NSUN7: variants seen among roughly 807,000 people sequenced by gnomAD.
NSUN7 encodes NOP2/Sun RNA methyltransferase family member 7, also known as protein NSUN7.
NSUN7 carries 39 observed loss-of-function variants against 58.5 expected under a neutral mutation model. That is an observed-to-expected ratio of 0.67 (90% confidence interval 0.52 to 0.87). The LOEUF is 0.87. Ranked by LOEUF, NSUN7 falls within the 40% of genes least tolerant of loss-of-function variation. The pLI, the probability that NSUN7 is intolerant of heterozygous loss-of-function variation, is 0.00. For synonymous variants in NSUN7, 278 were observed against 303.7 expected (o/e 0.92, Z 0.88); for missense variants, 765 against 844.1 (o/e 0.91, Z 1.16).
chr4:40,792,250 G>A (rs1743102641), intron 8 of NSUN7, among the ~76,000 whole-genome samples: 1 of 152,142 alleles, frequency 6.6e-6, no homozygotes, highest in East Asian at 1.9e-4. Context: ...CTAGAGCTCA[G>A]AACTGTGAGA....
At chr4:40,784,557 A>G (rs1742721167) in intron 7 of NSUN7, among the ~76,000 whole-genome samples, 1 of 152,240 alleles carries the variant, frequency 6.6e-6, no homozygotes, top group South Asian at 2.1e-4. Context: ...GAAGAGGACA[A>G]TATCCCAAAT....
intron 7 of NSUN7, among the ~76,000 whole-genome samples, chr4:40,789,105 A>T (rs1742965330): frequency 6.6e-6 from 1 of 152,224 alleles, no homozygotes; most frequent in Non-Finnish European, 1.5e-5. Flanking sequence ...GAAGAATATG[A>T]TGCCATCTGT....
Position 40,750,766 on chromosome 4 carries a change from C to T in NSUN7, c.73C>T (p.Leu25=), listed in dbSNP as rs1740782159. The change falls in exon 2 of 12, where the codon CTG becomes TTG. Residue 25 remains leucine, a synonymous_variant. Coordinates refer to ENST00000381782, the MANE Select transcript of NSUN7 (RefSeq NM_024677.6). ...DPEIISQLTS[L]PLSGGKSSAG... ...CGAGATCATCTCCCAACTCACTTCCCTGCCTCTGTCCGGTGGGAAAAGCTC... is the reference window on the plus strand; with the variant it reads ...CGAGATCATCTCCCAACTCACTTCCTTGCCTCTGTCCGGTGGGAAAAGCTC... The T allele has an allele frequency of 6.2e-7, 1 of 1,614,084 alleles. No homozygotes were observed. Among genetic ancestry groups the T allele is most frequent in the African/African-American group, 1.3e-5 (1 of 74,928 alleles).
Position 40,794,464 on chromosome 4 carries a change from C to A in NSUN7, c.1270C>A (p.His424Asn), listed in dbSNP as rs1743231010. Residue 424 changes from histidine (H) to asparagine (N), a missense_variant, in exon 9 of 12, where the codon CAT becomes AAT. Physicochemically the swap from His to Asn is moderately conservative, Grantham distance 68. Coordinates refer to ENST00000381782, the MANE Select transcript of NSUN7 (RefSeq NM_024677.6). Reference sequence around the variant, plus strand: ...TCAACAGCAGTATGAACAGCTAACACATGCAATGAAATGTAAGGTTGTCAT... The same window carrying A: ...TCAACAGCAGTATGAACAGCTAACAAATGCAATGAAATGTAAGGTTGTCAT... ...LAQQQYEQLTHAMKFTKAQAV... is the reference protein window; with the variant it reads ...LAQQQYEQLTNAMKFTKAQAV... 1.2e-6 allele frequency: 2 copies of A among 1,603,348 alleles called. No individual in the cohort carries two copies. Among genetic ancestry groups the A allele is most frequent in the Non-Finnish European group, 1.7e-6 (2 of 1,171,074 alleles).
At chr4:40,802,420 A>ACTT (rs1423817402) in intron 10 of NSUN7, among the ~76,000 whole-genome samples, 1 of 152,094 alleles carries the variant, frequency 6.6e-6, no homozygotes, top group Non-Finnish European at 1.5e-5. Flanking sequence ...ACATCTTGCC[A>ACTT]CTTCTAGTCC....
At chr4:40,798,377 C>T (rs893066177) in intron 9 of NSUN7, among the ~76,000 whole-genome samples, 1 of 152,130 alleles carries the variant, frequency 6.6e-6, no homozygotes, top group Non-Finnish European at 1.5e-5. Flanking sequence ...AGTAATTTGC[C>T]CAGGTTCATA....
rs1455616501 is a variant in NSUN7, at chr4:40,775,537, C to T, written c.826-512C>T. On this transcript the variant is annotated intron_variant, in intron 6 of 11. Transcript: ENST00000381782. This position sits in a 1 kb window ranked among gnomAD's most constrained non-coding sequence, Gnocchi z 4.3. The stretch of plus-strand genomic sequence containing the variant: ...TATACCTTGATCTTCTAAGGTTTAT[C>T]CCTTTTCCACATTCATATTCTTGGG... 3 of 152,784 alleles carry T rather than the reference C, an allele frequency of 2.0e-5. No homozygotes were observed. Among genetic ancestry groups the T allele is most frequent in the Non-Finnish European group, 4.4e-5 (3 of 68,500 alleles). The allele number at this position is 152,784 out of a possible 1,614,324, so 9.5% of individuals were successfully genotyped here. A position where few individuals can be genotyped will look rare whatever the true frequency, so the allele number is the denominator to read the frequency against.
At position 40,794,543 on chromosome 4, in the gene NSUN7, G is replaced by A. The variant is rs1049815604; in HGVS notation, c.1282+67G>A. The stretch of plus-strand genomic sequence containing the variant: ...CATTTTAGAAATATTAGTCTTTCAC[G>A]ATCTATTATAATCAAGCAATGAAGT... On this transcript the variant is annotated intron_variant, in intron 9 of 11. Coordinates refer to ENST00000381782, the MANE Select transcript of NSUN7 (RefSeq NM_024677.6). The A allele has an allele frequency of 1.4e-5, 13 of 951,868 alleles. No homozygotes were observed. In the African/African-American group the frequency reaches 1.5e-4, roughly 11 times the overall value. 59.0% of individuals were successfully genotyped at this position (951,868 alleles called of 1,614,324 possible). A position where few individuals can be genotyped will look rare whatever the true frequency, so the allele number is the denominator to read the frequency against.
chr4:40,771,007 C>T (rs1397208441), intron 4 of NSUN7, among the ~76,000 whole-genome samples: 2 of 152,150 alleles, frequency 1.3e-5, no homozygotes, highest in African/African-American at 4.8e-5. Context: ...GCCGAGATTG[C>T]ACCACTGCAC....
intron 8 of NSUN7, among the ~76,000 whole-genome samples, chr4:40,791,237 G>A (rs1743061622): frequency 6.6e-6 from 1 of 152,306 alleles, no homozygotes; most frequent in Middle Eastern, 3.4e-3. Flanking sequence ...TCGCTAGGAT[G>A]TATGCTTTAT....
At chr4:40,753,134 T>A (rs1740920108) in intron 2 of NSUN7, among the ~76,000 whole-genome samples, 1 of 152,206 alleles carries the variant, frequency 6.6e-6, no homozygotes, top group African/African-American at 2.4e-5. Flanking sequence ...TAGTACTCAA[T>A]AAGAAAAGCC....
chr4:40,760,680 T>C (rs1029206628), intron 3 of NSUN7, among the ~76,000 whole-genome samples, 188 bp downstream of exon 3: 2 of 150,768 alleles, frequency 1.3e-5, no homozygotes, highest in Non-Finnish European at 2.9e-5. Flanking sequence ...CTGACCAACA[T>C]GGAGAAACCT....
At chr4:40,787,636 T>G (rs538723410) in intron 7 of NSUN7, among the ~76,000 whole-genome samples, 1 of 152,340 alleles carries the variant, frequency 6.6e-6, no homozygotes, top group South Asian at 2.1e-4. Flanking sequence ...GATTAATGGC[T>G]ATTAATATCT....
intron 5 of NSUN7, 24 bp from the exon 6 acceptor site, chr4:40,774,743 C>A (rs755263104): frequency 5.8e-6 from 8 of 1,369,150 alleles, no homozygotes; most frequent in Non-Finnish European, 8.0e-6. Flanking sequence ...TTTGTAATTA[C>A]AAGCTAATGT....
intron 2 of NSUN7, among the ~76,000 whole-genome samples, chr4:40,753,145 T>C (rs569292120): frequency 6.6e-6 from 1 of 152,360 alleles, no homozygotes; most frequent in South Asian, 2.1e-4. Context: ...AAGAAAAGCC[T>C]GAATTATAAT....
At chr4:40,789,788 A>G (rs1243156239) in intron 7 of NSUN7, among the ~76,000 whole-genome samples, 1 of 152,208 alleles carries the variant, frequency 6.6e-6, no homozygotes, top group African/African-American at 2.4e-5. Context: ...AGACACAGAG[A>G]ATAGGAAGAG....
chr4:40,793,441 CA>C (rs11458755), intron 8 of NSUN7, among the ~76,000 whole-genome samples: 1 of 151,758 alleles, frequency 6.6e-6, no homozygotes, highest in African/African-American at 2.4e-5. Context: ...GATCCTGTCT[CA>C]AAAAAACAGC....
intron 2 of NSUN7, 76 bp from the exon 3 acceptor site, chr4:40,760,358 T>C (rs1237475816): frequency 1.1e-5 from 11 of 1,015,818 alleles, no homozygotes; most frequent in Middle Eastern, 4.1e-4. Flanking sequence ...ATGGCATTAT[T>C]ACAGTGTATT....
intron 10 of NSUN7, among the ~76,000 whole-genome samples, chr4:40,802,960 T>C (rs1315035562): frequency 1.8e-5 from 2 of 108,884 alleles, no homozygotes; most frequent in Non-Finnish European, 3.4e-5. Flanking sequence ...CAACAGTCCC[T>C]AGAGTGTGAT....
Sources: gnomAD v4.1 joint callset for allele counts (sites outside exome capture counted in the v4.1 genomes callset) on GRCh38, gnomAD v4.1.1 for gene constraint, Gnocchi (gnomAD v3.1) non-coding constraint, MANE v1.5 for transcripts, NCBI Gene and HGNC (gene_info 2026-07-23, HGNC 2026-07-21) for gene names.